The following PTPRM variants were observed in gnomAD, a reference collection of about 807,000 sequenced individuals.
PTPRM encodes receptor-type tyrosine-protein phosphatase mu.
Under a neutral mutation model 186.7 loss-of-function variants are expected in PTPRM, and 47 were observed. The observed-to-expected ratio is 0.25, with a 90% CI of 0.20 to 0.32. The LOEUF is 0.32. Among genes scored for constraint, PTPRM ranks in the 10% least tolerant of loss-of-function variants. The pLI is 1.00. For missense variants in PTPRM, 1,494 were observed against 1,865.0 expected (o/e 0.80, Z 3.66); for synonymous variants, 668 against 674.9 (o/e 0.99, Z 0.16).
intron 13 of PTPRM, among the ~76,000 whole-genome samples, chr18:8,141,864 A>C (rs2092774315): frequency 6.6e-6 from 1 of 152,230 alleles, no homozygotes; most frequent in African/African-American, 2.4e-5. Flanking sequence ...ATGGAAAAAC[A>C]GACTTTTTTC....
chr18:7,625,207 G>T (rs553654695), intron 1 of PTPRM, among the ~76,000 whole-genome samples: 43 of 152,118 alleles, frequency 2.8e-4, no homozygotes, highest in Non-Finnish European at 1.3e-4. Flanking sequence ...ATGTCATCTC[G>T]AATCTGTTTC....
chr18:8,215,431 T>C (rs555702567), intron 14 of PTPRM, among the ~76,000 whole-genome samples: 1 of 152,190 alleles, frequency 6.6e-6, no homozygotes, highest in East Asian at 1.9e-4. Flanking sequence ...TCTGTTGTGA[T>C]AGACAATTGT....
At chr18:7,652,970 A>C (rs991559241) in intron 1 of PTPRM, among the ~76,000 whole-genome samples, 1 of 152,124 alleles carries the variant, frequency 6.6e-6, no homozygotes, top group African/African-American at 2.4e-5. Context: ...TTCAACAATA[A>C]GAAAACAAAT....
At chr18:8,391,151 CTT>C in intron 31 of PTPRM, among the ~76,000 whole-genome samples, 1 of 152,060 alleles carries the variant, frequency 6.6e-6, no homozygotes, top group Non-Finnish European at 1.5e-5. Context: ...AACTGGAACT[CTT>C]ATACACTGTA....
At chr18:8,367,354 C>G (rs2095636976) in intron 23 of PTPRM, among the ~76,000 whole-genome samples, 1 of 152,254 alleles carries the variant, frequency 6.6e-6, no homozygotes, top group South Asian at 2.1e-4. Flanking sequence ...TTGCCCAGCA[C>G]GCATTCTAGA....
chr18:8,149,850 CA>C (rs1227328763), intron 14 of PTPRM, among the ~76,000 whole-genome samples: 18 of 152,130 alleles, frequency 1.2e-4, no homozygotes, highest in Admixed American at 6.5e-5. Context: ...CTGGTGGTGA[CA>C]AAATCTCTCA....
At chr18:8,234,530 A>G (rs2094322294) in intron 14 of PTPRM, among the ~76,000 whole-genome samples, 1 of 152,172 alleles carries the variant, frequency 6.6e-6, no homozygotes, top group African/African-American at 2.4e-5. Flanking sequence ...ATCTGTGAAC[A>G]AAGAGCGTTT....
Position 7,833,635 on chromosome 18 carries a change from G to C in PTPRM, c.197-54471G>C, listed in dbSNP as rs372040733. On this transcript the variant is annotated intron_variant, in intron 2 of 32. Transcript: ENST00000580170. ...TATAATCCCAGCTACTCGGGAGGCTGAGGTAGGAGAATCACTTGAACCCAG... is the reference window on the plus strand; with the variant it reads ...TATAATCCCAGCTACTCGGGAGGCTCAGGTAGGAGAATCACTTGAACCCAG... 5.7e-4 allele frequency among the ~76,000 whole-genome samples: 87 copies of C among 152,182 alleles called. 1 individual carries two copies. Among genetic ancestry groups the C allele is most frequent in the African/African-American group, 2.0e-3 (82 of 41,512 alleles).
intron 31 of PTPRM, among the ~76,000 whole-genome samples, chr18:8,390,575 A>G (rs2095804472): frequency 6.6e-6 from 1 of 152,194 alleles, no homozygotes; most frequent in Admixed American, 6.5e-5. Flanking sequence ...CAGTAGGAAA[A>G]TGATAGACAA....
intron 7 of PTPRM, among the ~76,000 whole-genome samples, chr18:8,032,398 C>T (rs1268860456): frequency 1.3e-5 from 2 of 152,176 alleles, no homozygotes; most frequent in South Asian, 2.1e-4. Flanking sequence ...TCCTAGCTTT[C>T]CTATAATCTT....
intron 14 of PTPRM, among the ~76,000 whole-genome samples, chr18:8,163,040 C>T (rs780292568): frequency 1.1e-4 from 17 of 152,208 alleles, no homozygotes; most frequent in African/African-American, 3.4e-4. Flanking sequence ...AGTGTCCACA[C>T]GCCCCACGAC....
chr18:7,718,441 C>T (rs765076316), intron 1 of PTPRM, among the ~76,000 whole-genome samples: 2 of 152,146 alleles, frequency 1.3e-5, no homozygotes. Flanking sequence ...AAATCTAAGA[C>T]CTGAAACCAT....
At chr18:8,073,102 T>C (rs906172235) in intron 8 of PTPRM, among the ~76,000 whole-genome samples, 2 of 152,206 alleles carry the variant, frequency 1.3e-5, no homozygotes, top group African/African-American at 4.8e-5. Flanking sequence ...TTACTGTTAG[T>C]ATTTTCTTTT....
intron 1 of PTPRM, among the ~76,000 whole-genome samples, chr18:7,716,391 A>G (rs2040332264): frequency 6.6e-6 from 1 of 152,222 alleles, no homozygotes; most frequent in Non-Finnish European, 1.5e-5. Flanking sequence ...ACCCTAGAGG[A>G]AAACCTAGGC....
intron 14 of PTPRM, among the ~76,000 whole-genome samples, chr18:8,220,347 A>C (rs1363141014): frequency 6.6e-6 from 1 of 152,242 alleles, no homozygotes; most frequent in Non-Finnish European, 1.5e-5. Flanking sequence ...ACATAATGCA[A>C]GCCATTTATC....
intron 2 of PTPRM, among the ~76,000 whole-genome samples, chr18:7,785,816 A>G (rs767520294): frequency 2.6e-5 from 4 of 152,052 alleles, no homozygotes; most frequent in Non-Finnish European, 5.9e-5. Context: ...CCACTAACTT[A>G]AAGTGTGTAA....
chr18:8,054,298 A>AATATATATAT (rs34903203), intron 7 of PTPRM, among the ~76,000 whole-genome samples: 23 of 131,684 alleles, frequency 1.7e-4, no homozygotes, highest in African/African-American at 6.5e-4. Flanking sequence ...TAGTAGTAGT[A>AATATATATAT]ATATATATAT....
intron 23 of PTPRM, among the ~76,000 whole-genome samples, chr18:8,360,006 G>A (rs2095587175): frequency 6.6e-6 from 1 of 152,244 alleles, no homozygotes; most frequent in African/African-American, 2.4e-5. Context: ...GCCTTAGAAG[G>A]CTTAGGGTTG....
chr18:7,875,312 T>C (rs922993128), intron 2 of PTPRM, among the ~76,000 whole-genome samples: 14 of 151,942 alleles, frequency 9.2e-5, no homozygotes, highest in African/African-American at 3.4e-4. Flanking sequence ...TGAAACATTC[T>C]TGGTAACGTG....
Sources: gnomAD v4.1 joint callset for allele counts (sites outside exome capture counted in the v4.1 genomes callset) on GRCh38, gnomAD v4.1.1 for gene constraint, MANE v1.5 for transcripts, NCBI Gene and HGNC (gene_info 2026-07-23, HGNC 2026-07-21) for gene names.